Variants in AUTS2 observed in about 807,000 individuals in gnomAD.
The protein encoded by AUTS2 is activator of transcription and developmental regulator AUTS2.
Under a neutral mutation model 112.4 loss-of-function variants are expected in AUTS2, and 17 were observed. The observed-to-expected ratio is 0.15, with a 90% CI of 0.10 to 0.23. AUTS2 has a LOEUF of 0.23. AUTS2 is among the 10% of genes least tolerant of loss of function. The pLI, the probability that AUTS2 is intolerant of heterozygous loss-of-function variation, is 1.00. For synonymous variants in AUTS2, 751 were observed against 702.7 expected (o/e 1.07, Z -1.09); for missense variants, 1,510 against 1,701.6 (o/e 0.89, Z 1.98).
intron 2 of AUTS2, among the ~76,000 whole-genome samples, chr7:70,047,263 C>T (rs949202856): frequency 2.6e-5 from 4 of 152,124 alleles, no homozygotes; most frequent in Admixed American, 6.6e-5. Context: ...CCTTCTTTTA[C>T]TTGGCTTTTA....
At chr7:69,740,642 G>A (rs950444184) in intron 1 of AUTS2, among the ~76,000 whole-genome samples, 3 of 152,014 alleles carry the variant, frequency 2.0e-5, no homozygotes, top group African/African-American at 7.2e-5. Context: ...TCCTGCCTCA[G>A]CCTCCCAAGG....
At chr7:70,712,394 C>CT (rs1307900849) in intron 6 of AUTS2, among the ~76,000 whole-genome samples, 2 of 151,878 alleles carry the variant, frequency 1.3e-5, no homozygotes, top group Admixed American at 1.3e-4. Context: ...GGTCGCAATG[C>CT]TTAGTTTTAT....
chr7:70,236,553 C>T (rs776446145), intron 4 of AUTS2, among the ~76,000 whole-genome samples: 3 of 152,120 alleles, frequency 2.0e-5, no homozygotes, highest in Non-Finnish European at 1.5e-5. Context: ...TGTATATTGC[C>T]GATTTAGGAA....
intron 5 of AUTS2, among the ~76,000 whole-genome samples, chr7:70,623,554 A>G (rs1437658605): frequency 6.6e-6 from 1 of 152,230 alleles, no homozygotes; most frequent in Non-Finnish European, 1.5e-5. Context: ...CACTCTTGTC[A>G]CAGTGGTTAT....
At chr7:69,600,050 C>G in intron 1 of AUTS2, 88 bp downstream of exon 1, 2 of 1,397,262 alleles carry the variant, frequency 1.4e-6, no homozygotes, top group Non-Finnish European at 1.0e-6. Context: ...CGCCGCGCTC[C>G]GGGCTGTCTG....
At chr7:70,206,932 A>G (rs1810605258) in intron 4 of AUTS2, among the ~76,000 whole-genome samples, 1 of 152,056 alleles carries the variant, frequency 6.6e-6, no homozygotes, top group Admixed American at 6.6e-5. Context: ...TTACCCAATG[A>G]TTGAAAATAT....
chr7:69,826,861 A>G (rs1366701663), intron 1 of AUTS2, among the ~76,000 whole-genome samples: 3 of 152,148 alleles, frequency 2.0e-5, no homozygotes, highest in African/African-American at 7.2e-5. Flanking sequence ...CCTTCCTCCA[A>G]CAAATTATTG....
chr7:70,251,117 T>A (rs1356998866), intron 4 of AUTS2, among the ~76,000 whole-genome samples: 1 of 151,928 alleles, frequency 6.6e-6, no homozygotes, highest in East Asian at 1.9e-4. Context: ...TGGGCTGGAG[T>A]GCACTGGCAC....
chr7:70,003,677 ATG>A (rs372582933), intron 2 of AUTS2, among the ~76,000 whole-genome samples: 2,405 of 63,250 alleles, frequency 0.038, no homozygotes, highest in South Asian at 0.054. Flanking sequence ...ATATATATGA[ATG>A]TGTTATATAT....
chr7:70,276,971 A>T (rs1003481626), intron 4 of AUTS2, among the ~76,000 whole-genome samples: 3 of 152,216 alleles, frequency 2.0e-5, no homozygotes, highest in African/African-American at 7.2e-5. Context: ...TAAAATGGAT[A>T]GCAAGGCAGG....
At chr7:70,149,947 A>G (rs969981144) in intron 4 of AUTS2, among the ~76,000 whole-genome samples, 3 of 152,068 alleles carry the variant, frequency 2.0e-5, no homozygotes, top group African/African-American at 7.2e-5. Context: ...TTATTTGGCC[A>G]GGAAACCAGT....
intron 4 of AUTS2, among the ~76,000 whole-genome samples, chr7:70,139,744 A>G (rs1806756271): frequency 6.6e-6 from 1 of 152,220 alleles, no homozygotes; most frequent in Non-Finnish European, 1.5e-5. Flanking sequence ...TCATGCCTAT[A>G]ATCCAGCATT....
At chr7:69,667,458 C>T (rs571672217) in intron 1 of AUTS2, among the ~76,000 whole-genome samples, 97 of 149,584 alleles carry the variant, frequency 6.5e-4, no homozygotes, top group East Asian at 2.6e-3. Flanking sequence ...TGGGTTCAAA[C>T]GATTCTCCTG....
chr7:69,750,472 T>TTAGTAGTAGTAG (rs146638908), intron 1 of AUTS2, among the ~76,000 whole-genome samples: 4 of 148,032 alleles, frequency 2.7e-5, no homozygotes, highest in African/African-American at 9.9e-5. Context: ...AAATACTATG[T>TTAGTAGTAGTAG]TAGTAGTAGT....
At chr7:70,101,378 A>G (rs879450598) in intron 2 of AUTS2, among the ~76,000 whole-genome samples, 4 of 149,510 alleles carry the variant, frequency 2.7e-5, no homozygotes, top group South Asian at 2.1e-4. Flanking sequence ...ACTGCCAAAA[A>G]AAAAAAGAAA....
At chr7:70,232,883 G>T (rs1485338975) in intron 4 of AUTS2, among the ~76,000 whole-genome samples, 2 of 152,046 alleles carry the variant, frequency 1.3e-5, no homozygotes, top group Non-Finnish European at 2.9e-5. Flanking sequence ...ATAAATATTT[G>T]TTTTCAACTT....
intron 1 of AUTS2, among the ~76,000 whole-genome samples, chr7:69,801,475 ATATT>A (rs1790079266): frequency 6.7e-6 from 1 of 149,508 alleles, no homozygotes; most frequent in South Asian, 2.1e-4. Context: ...TATATATAAA[ATATT>A]TATACCTATA....
chr7:70,742,509 T>C (rs748200015), intron 6 of AUTS2, among the ~76,000 whole-genome samples: 4 of 152,190 alleles, frequency 2.6e-5, no homozygotes, highest in Non-Finnish European at 5.9e-5. Context: ...ACACCTGTAA[T>C]CTCAGCACTT....
chr7:70,759,143 G>T (rs1042988063), intron 6 of AUTS2, among the ~76,000 whole-genome samples: 11 of 152,152 alleles, frequency 7.2e-5, no homozygotes, highest in African/African-American at 2.7e-4. Context: ...CTGAATCCTG[G>T]ATTTATCATT....
Sources: gnomAD v4.1 joint callset for allele counts (sites outside exome capture counted in the v4.1 genomes callset) on GRCh38, gnomAD v4.1.1 for gene constraint, MANE v1.5 for transcripts, NCBI Gene and HGNC (gene_info 2026-07-23, HGNC 2026-07-21) for gene names.